The following PCTP variants were observed in gnomAD, a reference collection of about 807,000 sequenced individuals.
PCTP encodes phosphatidylcholine transfer protein.
A neutral mutation model predicts 31.0 loss-of-function variants in PCTP; 27 were observed. That is an observed-to-expected ratio of 0.87 (90% CI 0.64 to 1.20). The LOEUF is 1.20. Among genes scored for constraint, PCTP ranks in the 50% most tolerant of loss-of-function variants. The probability of loss-of-function intolerance (pLI) is 0.00; values close to 1 mark genes in which losing one functional copy is unlikely to be tolerated. For missense variants in PCTP, 287 were observed against 268.2 expected (o/e 1.07, Z -0.49); for synonymous variants, 108 against 101.2 (o/e 1.07, Z -0.40).
Position 55,773,975 on chromosome 17 carries a change from G to T in PCTP, c.511+80G>T, listed in dbSNP as rs1049041677. On this transcript the variant is annotated intron_variant, in intron 4 of 5. Transcript: ENST00000268896. ...CCAGGCTGATGGGGGGACATGTCGA[G>T]TACATGAAGCGTATCCCTGAAGGTC... 120 of 1,442,206 alleles carry T rather than the reference G, an allele frequency of 8.3e-5. 1 individual carries two copies. In the Middle Eastern group the frequency reaches 9.7e-4, roughly 12 times the overall value. The allele number at this position is 1,442,206 out of a possible 1,614,324, so 89.3% of individuals were successfully genotyped here.
At chr17:55,784,583 A>G (rs1283418878) in intron 2 of PCTP, among the ~76,000 whole-genome samples, 1 of 152,204 alleles carries the variant, frequency 6.6e-6, no homozygotes. Flanking sequence ...TTGGGGTATT[A>G]AGAACCAGTA....
intron 2 of PCTP, chr17:55,769,244 G>C (rs532811699): frequency 6.6e-6 from 1 of 152,356 alleles, no homozygotes; most frequent in South Asian, 2.1e-4. Context: ...ATTGGCTCTT[G>C]TCAGCTCAGC....
chr17:55,798,540 A>C (rs1230004591), intron 3 of PCTP, among the ~76,000 whole-genome samples: 2 of 152,018 alleles, frequency 1.3e-5, no homozygotes, highest in African/African-American at 4.8e-5. Flanking sequence ...CAGCTAACTT[A>C]TAAGAAATTA....
intron 5 of PCTP, among the ~76,000 whole-genome samples, chr17:55,840,098 G>T (rs1167003382): frequency 6.6e-6 from 1 of 152,062 alleles, no homozygotes; most frequent in East Asian, 1.9e-4. Context: ...TGCCCAAAGT[G>T]GTCATCCAGT....
chr17:55,754,113 C>T (rs1036074986), intron 1 of PCTP, among the ~76,000 whole-genome samples: 4 of 152,282 alleles, frequency 2.6e-5, no homozygotes, highest in East Asian at 3.9e-4. Flanking sequence ...TTGCGGTGGA[C>T]GTCAGCTAGG....
chr17:55,773,903 C>T lies in PCTP; in HGVS notation c.511+8C>T, dbSNP rs534742491. The T allele has an allele frequency of 6.4e-5, 102 of 1,592,342 alleles. No homozygotes were observed. Among genetic ancestry groups the T allele is most frequent in the Non-Finnish European group, 8.3e-5 (97 of 1,167,502 alleles). On this transcript the variant is annotated splice_region_variant and intron_variant, in intron 4 of 5. Transcript: ENST00000268896. ...GCAAGAAGGGGAGCAAAGGTAAAAC[C>T]CATGGTGCCTGTCAGTGCACCCAGC...
chr17:55,760,646 A>C (rs1302223198), intron 1 of PCTP, among the ~76,000 whole-genome samples: 4 of 152,184 alleles, frequency 2.6e-5, no homozygotes, highest in African/African-American at 9.6e-5. Context: ...GAAAGTGATA[A>C]TATTCATCTT....
chr17:55,813,174 G>A (rs1387541366), intron 3 of PCTP, among the ~76,000 whole-genome samples: 1 of 152,214 alleles, frequency 6.6e-6, no homozygotes, highest in Non-Finnish European at 1.5e-5. Context: ...GGGCAGTTTT[G>A]TGTGTGCTTG....
intron 5 of PCTP, among the ~76,000 whole-genome samples, chr17:55,842,048 C>G (rs1435117002): frequency 2.0e-5 from 3 of 152,110 alleles, no homozygotes; most frequent in Non-Finnish European, 4.4e-5. Context: ...ATATTATGCA[C>G]AAGGTACTCT....
At chr17:55,783,629 T>TGTGGTGGTTC (rs1911642938) in intron 2 of PCTP, among the ~76,000 whole-genome samples, 1 of 152,194 alleles carries the variant, frequency 6.6e-6, no homozygotes, top group Non-Finnish European at 1.5e-5. Flanking sequence ...GGATTCTGCT[T>TGTGGTGGTTC]ACCAGTGAAT....
In PCTP at chr17:55,776,169, G is replaced by C; in HGVS notation, c.*69G>C. 6.3e-7 allele frequency: 1 copy of C among 1,585,048 alleles called. No individual in the cohort carries two copies. Among genetic ancestry groups the C allele is most frequent in the Non-Finnish European group, 8.6e-7 (1 of 1,164,110 alleles). On this transcript the variant is annotated 3_prime_UTR_variant, in exon 6 of 6. Transcript: ENST00000268896. ...GAAGTGCAACCACCCAATGTCTCTG[G>C]AAGTGCCACCTGGAAGTGCCACCTG...
At chr17:55,840,806 C>G (rs1905954669) in intron 5 of PCTP, among the ~76,000 whole-genome samples, 1 of 152,134 alleles carries the variant, frequency 6.6e-6, no homozygotes, top group Non-Finnish European at 1.5e-5. Flanking sequence ...CTGAAATGCT[C>G]TAAAATTTGA....
intron 1 of PCTP, among the ~76,000 whole-genome samples, chr17:55,751,862 G>A (rs1377823839): frequency 2.6e-5 from 4 of 152,196 alleles, no homozygotes; most frequent in Non-Finnish European, 5.9e-5. Flanking sequence ...GAATCAGGTA[G>A]CCATCCAGGT....
At chr17:55,809,119 C>G (rs1298497042) in intron 3 of PCTP, among the ~76,000 whole-genome samples, 2 of 152,178 alleles carry the variant, frequency 1.3e-5, no homozygotes, top group Admixed American at 6.5e-5. Flanking sequence ...TAGCTTACTT[C>G]TTCTCTGTGT....
At chr17:55,833,098 T>A (rs368152429) in intron 5 of PCTP, among the ~76,000 whole-genome samples, 26 of 152,332 alleles carry the variant, frequency 1.7e-4, no homozygotes, top group African/African-American at 6.3e-4. Context: ...TTTGAATGTG[T>A]TCGCTTAGGA....
At chr17:55,840,950 GT>G (rs1406614225) in intron 5 of PCTP, among the ~76,000 whole-genome samples, 1 of 152,156 alleles carries the variant, frequency 6.6e-6, no homozygotes, top group East Asian at 1.9e-4. Flanking sequence ...GGTCCCAAGA[GT>G]TTCGGATAAG....
chr17:55,795,882 A>G (rs1912169230), intron 3 of PCTP, among the ~76,000 whole-genome samples: 1 of 152,082 alleles, frequency 6.6e-6, no homozygotes, highest in African/African-American at 2.4e-5. Context: ...AGTCACAGTT[A>G]TTACCTGGGA....
chr17:55,754,292 G>T (rs892846644), intron 1 of PCTP, among the ~76,000 whole-genome samples: 3 of 152,174 alleles, frequency 2.0e-5, no homozygotes, highest in Non-Finnish European at 4.4e-5. Flanking sequence ...GTAAATAGGG[G>T]ATCCCATGAC....
At position 55,839,844 on chromosome 17, in the gene PCTP, C is replaced by T. The variant is rs1258977801; in HGVS notation, n.506-2883C>T. ...CTGAGGCAGGAGAATGGCGTGAACC[C>T]GGGAGGCGGAGCTTGCAGTGAGCCG... On this transcript the variant is annotated intron_variant and non_coding_transcript_variant, in intron 5 of 5. Coordinates refer to the PCTP transcript ENST00000576221. Among the ~76,000 whole-genome samples the T allele has an allele frequency of 2.2e-4, 29 of 133,564 alleles. No homozygotes were observed. In the South Asian group the frequency reaches 6.6e-3, roughly 31 times the overall value. 87.6% of individuals were successfully genotyped at this position (133,564 alleles called of 152,430 possible).
Sources: gnomAD v4.1 joint callset for allele counts (sites outside exome capture counted in the v4.1 genomes callset) on GRCh38, gnomAD v4.1.1 for gene constraint, MANE v1.5 for transcripts, NCBI Gene and HGNC (gene_info 2026-07-23, HGNC 2026-07-21) for gene names.